The following SLC24A2 variants were observed in gnomAD, a reference collection of about 807,000 sequenced individuals.
SLC24A2 encodes the protein solute carrier family 24 member 2, also known as sodium/potassium/calcium exchanger 2.
A neutral mutation model predicts 62.0 loss-of-function variants in SLC24A2; 36 were observed. The observed-to-expected ratio is 0.58, with a 90% CI of 0.44 to 0.77. The LOEUF (loss-of-function observed/expected upper bound fraction) is 0.77, where lower values mean the gene tolerates loss of function less well. Ranked by LOEUF, SLC24A2 falls within the 30% of genes least tolerant of loss-of-function variation. The pLI, the probability that SLC24A2 is intolerant of heterozygous loss-of-function variation, is 0.00. For missense variants in SLC24A2, 846 were observed against 817.9 expected (o/e 1.03, Z -0.42); for synonymous variants, 358 against 294.0 (o/e 1.22, Z -2.23).
chr9:20,195,265 C>T, the SLC24A2 span, among the ~76,000 whole-genome samples: 1 of 151,980 alleles, frequency 6.6e-6, no homozygotes, highest in Non-Finnish European at 1.5e-5. Flanking sequence ...AATATAATAA[C>T]TATTATTTAT....
chr9:19,577,156 C>G (rs2132853436), intron 5 of SLC24A2, 134 bp from the exon 6 acceptor site: 1 of 757,864 alleles, frequency 1.3e-6, no homozygotes, highest in Admixed American at 1.9e-5. Context: ...CCCCAATGCA[C>G]CAGGACCTTC....
chr9:20,142,750 C>A, the SLC24A2 span, among the ~76,000 whole-genome samples: 1 of 152,158 alleles, frequency 6.6e-6, no homozygotes, highest in Non-Finnish European at 1.5e-5. Context: ...CACCTGCCAC[C>A]ACGCCCAGCT....
At chr9:19,639,015 GCAAGT>G (rs1378524423) in intron 2 of SLC24A2, among the ~76,000 whole-genome samples, 12 of 152,294 alleles carry the variant, frequency 7.9e-5, no homozygotes, top group Admixed American at 7.8e-4. Flanking sequence ...GAAGAACAGA[GCAAGT>G]CAATCATTAT....
Position 19,508,790 on chromosome 9 carries a change from TCTG to T in SLC24A2, c.*7360_*7362del, listed in dbSNP as rs1376756097. ...GCCTGGGTGACAGAGCAAGACCCTG[TCTG>T]TTAAAAAAAAAATTATATAAAAATT... On this transcript the variant is annotated 3_prime_UTR_variant, in exon 11 of 11. Transcript: ENST00000341998. The T allele has an allele frequency of 2.6e-5, 2 of 78,060 alleles. No homozygotes were observed. The highest frequency in any genetic ancestry group is 7.9e-5 in the African/African-American group (1 of 12,698). 4.8% of individuals were successfully genotyped at this position (78,060 alleles called of 1,614,324 possible).
chr9:19,986,361 G>C, the SLC24A2 span, among the ~76,000 whole-genome samples: 2 of 151,966 alleles, frequency 1.3e-5, no homozygotes, highest in African/African-American at 4.8e-5. Flanking sequence ...TTTGGTTGCT[G>C]TACAAAACTG....
chr9:19,685,602 A>C (rs571511938), intron 2 of SLC24A2, among the ~76,000 whole-genome samples: 2 of 152,100 alleles, frequency 1.3e-5, no homozygotes, highest in South Asian at 4.2e-4. Context: ...ACAATAGAGA[A>C]CCCAGAAATA....
chr9:20,042,531 C>G, the SLC24A2 span, among the ~76,000 whole-genome samples: 1 of 152,182 alleles, frequency 6.6e-6, no homozygotes, highest in East Asian at 1.9e-4. Flanking sequence ...AAGCACCCAC[C>G]AAGGTAGGGG....
chr9:19,851,024 C>CTT, the SLC24A2 span, among the ~76,000 whole-genome samples: 1 of 45,950 alleles, frequency 2.2e-5, no homozygotes, highest in African/African-American at 1.1e-4. Flanking sequence ...TATATATATA[C>CTT]ATATTTTTTT....
At chr9:19,720,069 C>T (rs558567864) in intron 2 of SLC24A2, among the ~76,000 whole-genome samples, 67 of 152,190 alleles carry the variant, frequency 4.4e-4, no homozygotes, top group African/African-American at 1.4e-3. Context: ...GGAGGTAAAC[C>T]GGAAAGGCTA....
At chr9:20,191,564 A>G in the SLC24A2 span, among the ~76,000 whole-genome samples, 1 of 151,948 alleles carries the variant, frequency 6.6e-6, no homozygotes, top group South Asian at 2.1e-4. Context: ...ATGGCTAGGT[A>G]ATTACATTCT....
At chr9:19,942,541 TG>T in the SLC24A2 span, among the ~76,000 whole-genome samples, 1 of 152,148 alleles carries the variant, frequency 6.6e-6, no homozygotes, top group Non-Finnish European at 1.5e-5. Flanking sequence ...CAGAAGAATA[TG>T]GGAATTTCTT....
At chr9:20,093,971 T>C in the SLC24A2 span, among the ~76,000 whole-genome samples, 1 of 152,120 alleles carries the variant, frequency 6.6e-6, no homozygotes, top group African/African-American at 2.4e-5. Flanking sequence ...TTAAAATAAA[T>C]TAAAATTTTA....
chr9:20,232,571 C>A, the SLC24A2 span, among the ~76,000 whole-genome samples: 4 of 152,122 alleles, frequency 2.6e-5, no homozygotes, highest in African/African-American at 9.7e-5. Flanking sequence ...TCTGTGGGAT[C>A]GGTAGTGATA....
At chr9:19,577,177 C>T (rs892893007) in intron 5 of SLC24A2, among the ~76,000 whole-genome samples, 155 bp from the exon 6 acceptor site, 3 of 152,140 alleles carry the variant, frequency 2.0e-5, no homozygotes, top group African/African-American at 7.2e-5. Context: ...CTGAAGGGTA[C>T]TTTCTTGCCT....
chr9:20,241,627 C>T, the SLC24A2 span, among the ~76,000 whole-genome samples: 4 of 152,096 alleles, frequency 2.6e-5, no homozygotes, highest in Non-Finnish European at 5.9e-5. Flanking sequence ...GATCTCTGTC[C>T]TCAAGAAGCT....
intron 8 of SLC24A2, among the ~76,000 whole-genome samples, chr9:19,528,342 G>A (rs1293295588): frequency 6.6e-6 from 1 of 152,172 alleles, no homozygotes; most frequent in East Asian, 1.9e-4. Flanking sequence ...GATAGGAACT[G>A]AGTGATCACA....
chr9:20,292,998 G>T, the SLC24A2 span, among the ~76,000 whole-genome samples: 1 of 152,172 alleles, frequency 6.6e-6, no homozygotes, highest in East Asian at 1.9e-4. Flanking sequence ...CCCAGCTTCT[G>T]GTGGTTTGCT....
At chr9:20,083,002 T>C in the SLC24A2 span, among the ~76,000 whole-genome samples, 1 of 152,328 alleles carries the variant, frequency 6.6e-6, no homozygotes, top group East Asian at 1.9e-4. Context: ...ATGAATGCCC[T>C]GATTTCCAGG....
the SLC24A2 span, among the ~76,000 whole-genome samples, chr9:20,126,345 G>C: frequency 6.6e-6 from 1 of 151,768 alleles, no homozygotes. Context: ...TTTTCTACTA[G>C]GTTATTCACT....
Sources: allele counts gnomAD v4.1 joint callset (sites outside exome capture counted in the v4.1 genomes callset), GRCh38; gene constraint gnomAD v4.1.1; transcripts MANE v1.5; gene names NCBI Gene and HGNC (gene_info 2026-07-23, HGNC 2026-07-21).